F13A1: variants seen among roughly 807,000 people sequenced by gnomAD.
The protein encoded by F13A1 is FSF, A subunit.
A neutral mutation model predicts 80.1 loss-of-function variants in F13A1; 47 were observed. The observed-to-expected ratio is 0.59, with a 90% confidence interval of 0.46 to 0.75. The LOEUF is 0.75. Among genes scored for constraint, F13A1 ranks in the 30% least tolerant of loss-of-function variants. The pLI is 0.00. For synonymous variants in F13A1, 349 were observed against 344.9 expected (o/e 1.01, Z -0.13); for missense variants, 817 against 930.4 (o/e 0.88, Z 1.59).
intron 4 of F13A1, among the ~76,000 whole-genome samples, chr6:6,255,251 A>G (rs1044154530): frequency 1.3e-5 from 2 of 152,114 alleles, no homozygotes; most frequent in African/African-American, 2.4e-5. Flanking sequence ...GTAAATAAGC[A>G]TTGTTATACT....
chr6:6,199,349 G>A (rs1430877428), intron 8 of F13A1, among the ~76,000 whole-genome samples: 2 of 152,130 alleles, frequency 1.3e-5, no homozygotes, highest in Non-Finnish European at 2.9e-5. Flanking sequence ...AATTAGCTGG[G>A]CGTGGTGGCG....
intron 11 of F13A1, among the ~76,000 whole-genome samples, chr6:6,179,420 C>G (rs1760940358): frequency 6.6e-6 from 1 of 151,932 alleles, no homozygotes; most frequent in Non-Finnish European, 1.5e-5. Flanking sequence ...TGTGATTCTA[C>G]TCATTTCCAT....
chr6:6,278,668 G>A lies in F13A1; in HGVS notation c.320-11859C>T, dbSNP rs75027164. ...GAGGTGCCTGAACAGAGGGAATTGGGGGAGATTAGACGCCTGGAGCAGAGG... is the reference window on the plus strand; with the variant it reads ...GAGGTGCCTGAACAGAGGGAATTGGAGGAGATTAGACGCCTGGAGCAGAGG... On this transcript the variant is annotated intron_variant, in intron 3 of 14. Coordinates refer to ENST00000264870, the MANE Select transcript of F13A1 (RefSeq NM_000129.4). Among the ~76,000 whole-genome samples the A allele has an allele frequency of 5.2e-3, 794 of 152,064 alleles. 11 individuals are homozygous for A. The highest frequency in any genetic ancestry group is 0.018 in the African/African-American group (727 of 41,460).
At position 6,305,388 on chromosome 6, in the gene F13A1, G is replaced by T. The variant is rs768303192; in HGVS notation, c.282C>A (p.Asp94Glu). Residue 94 changes from aspartate to glutamate, a missense_variant, in exon 3 of 15, where the codon GAC becomes GAA. Asp to Glu is a conservative substitution (Grantham distance 45, BLOSUM62 2). Coordinates refer to ENST00000264870, the MANE Select transcript of F13A1 (RefSeq NM_000129.4). ...CCACCCTGAAGAGATCCCTTCTGGG[G>T]TCATATGGACGACTGAAGTCAATCT... ...YVQIDFSRPYDPRRDLFRVEY... is the reference protein window; with the variant it reads ...YVQIDFSRPYEPRRDLFRVEY... 3.5e-5 allele frequency: 56 copies of T among 1,614,100 alleles called. No individual in the cohort carries two copies. The highest frequency in any genetic ancestry group is 3.9e-5 in the Non-Finnish European group (46 of 1,180,044).
chr6:6,158,517 C>T (rs538864325), intron 13 of F13A1, among the ~76,000 whole-genome samples: 19 of 152,214 alleles, frequency 1.2e-4, no homozygotes, highest in Admixed American at 9.8e-4. Context: ...TGGAGAATGA[C>T]GTGGATTCGG....
At chr6:6,219,432 G>A (rs1757155675) in intron 8 of F13A1, among the ~76,000 whole-genome samples, 1 of 152,172 alleles carries the variant, frequency 6.6e-6, no homozygotes, top group African/African-American at 2.4e-5. Flanking sequence ...TCTATGGTAA[G>A]CACTCTACCT....
intron 3 of F13A1, among the ~76,000 whole-genome samples, chr6:6,269,068 C>G (rs948686430): frequency 4.0e-5 from 6 of 151,656 alleles, no homozygotes; most frequent in African/African-American, 1.5e-4. Flanking sequence ...CTTTTTTGCT[C>G]TCTGGTTCTG....
chr6:6,217,974 C>CA (rs1195528295), intron 8 of F13A1, among the ~76,000 whole-genome samples: 1 of 152,168 alleles, frequency 6.6e-6, no homozygotes, highest in Non-Finnish European at 1.5e-5. Context: ...CTATGCCCTG[C>CA]ACACTGTTAC....
rs893490754 is a variant in F13A1 at position 6,232,307 on chromosome 6, A to G, written c.799-7447T>C. Among the ~76,000 whole-genome samples the G allele has an allele frequency of 3.3e-5, 5 of 152,178 alleles. No individual in the cohort carries two copies. In the East Asian group the frequency reaches 9.6e-4, roughly 29 times the overall value. ...AAAGCGAGCAGGGGTAGCTATTCTT[A>G]TATCAGACAAAACAAACTTTAAAGC... On this transcript the variant is annotated intron_variant, in intron 6 of 14. Coordinates refer to ENST00000264870, the MANE Select transcript of F13A1 (RefSeq NM_000129.4).
At chr6:6,173,404 C>T (rs1429534318) in intron 12 of F13A1, among the ~76,000 whole-genome samples, 5 of 144,052 alleles carry the variant, frequency 3.5e-5, no homozygotes, top group East Asian at 2.0e-4. Flanking sequence ...AGCCTCCATT[C>T]TTTTCTTTTT....
chr6:6,256,171 TAACA>T (rs1005637805), intron 4 of F13A1, among the ~76,000 whole-genome samples: 29 of 152,214 alleles, frequency 1.9e-4, no homozygotes, highest in African/African-American at 6.0e-4. Flanking sequence ...AAAAACAAAC[TAACA>T]AACAACTCAC....
At chr6:6,279,337 T>C (rs1158188017) in intron 3 of F13A1, among the ~76,000 whole-genome samples, 2 of 152,210 alleles carry the variant, frequency 1.3e-5, no homozygotes, top group Non-Finnish European at 2.9e-5. Context: ...AATAGGATGT[T>C]GGTGTCACAA....
intron 8 of F13A1, among the ~76,000 whole-genome samples, chr6:6,214,270 T>C (rs1761678445): frequency 6.6e-6 from 1 of 151,730 alleles, no homozygotes; most frequent in Non-Finnish European, 1.5e-5. Context: ...ATTGACCACA[T>C]ACTTGGAAGA....
intron 4 of F13A1, among the ~76,000 whole-genome samples, chr6:6,253,099 C>G (rs1293999171): frequency 7.7e-6 from 1 of 129,386 alleles, no homozygotes; most frequent in Non-Finnish European, 1.5e-5. Context: ...GCCGAGATAG[C>G]ACTACTGCAC....
intron 10 of F13A1, among the ~76,000 whole-genome samples, chr6:6,184,596 G>A (rs28533490): frequency 6.6e-6 from 1 of 152,202 alleles, no homozygotes; most frequent in Non-Finnish European, 1.5e-5. Context: ...AATTCCCTCT[G>A]GAGGAAGCCA....
chr6:6,301,860 C>T (rs115858722), intron 3 of F13A1, among the ~76,000 whole-genome samples: 78 of 152,262 alleles, frequency 5.1e-4, no homozygotes, highest in African/African-American at 1.8e-3. Context: ...TGGCTCAAGG[C>T]GAGACAACTC....
At chr6:6,303,510 C>G (rs998043816) in intron 3 of F13A1, among the ~76,000 whole-genome samples, 1 of 152,128 alleles carries the variant, frequency 6.6e-6, no homozygotes, top group Admixed American at 6.5e-5. Flanking sequence ...AGCTAATTAA[C>G]ATATTCATTC....
rs1047678408 is a variant in F13A1 at position 6,208,032 on chromosome 6, C to G, written c.1113-10706G>C. ...CAGAAAGGATCAGAAAAGTATAGCC[C>G]ATACACAGGAAGCAGCCAAGAGAAA... is the stretch of plus-strand genomic sequence containing the variant. On this transcript the variant is annotated intron_variant, in intron 8 of 14. Transcript: ENST00000264870. Among the ~76,000 whole-genome samples, 48 of 152,068 alleles carry G rather than the reference C, an allele frequency of 3.2e-4. 1 individual carries two copies. Among genetic ancestry groups the G allele is most frequent in the African/African-American group, 1.1e-3 (46 of 41,404 alleles).
At chr6:6,237,831 T>C (rs972127822) in intron 6 of F13A1, among the ~76,000 whole-genome samples, 4 of 152,166 alleles carry the variant, frequency 2.6e-5, no homozygotes, top group Non-Finnish European at 5.9e-5. Context: ...GGGAACTCAA[T>C]AAGTTCTGTT....
Sources: allele counts gnomAD v4.1 joint callset (sites outside exome capture counted in the v4.1 genomes callset), GRCh38; gene constraint gnomAD v4.1.1; transcripts MANE v1.5; gene names NCBI Gene and HGNC (gene_info 2026-07-23, HGNC 2026-07-21).